RALYL: variants seen among roughly 807,000 people sequenced by gnomAD.
RALYL encodes the protein RNA-binding Raly-like protein.
In RALYL, 29 loss-of-function variants were observed where a neutral mutation model predicts 35.1. The ratio of observed to expected loss-of-function variants is 0.83; its 90% confidence interval spans 0.61 to 1.13. RALYL has a LOEUF of 1.13. Among genes scored for constraint, RALYL ranks in the 50% most tolerant of loss-of-function variants. RALYL has a pLI of 0.00. For synonymous variants in RALYL, 120 were observed against 127.6 expected, an observed-to-expected ratio of 0.94 and a Z score of 0.40; for missense variants, 359 against 360.4, an observed-to-expected ratio of 1.00 and a Z score of 0.03.
intron 1 of RALYL, among the ~76,000 whole-genome samples, chr8:84,332,822 GAA>G (rs1428309035): frequency 6.6e-6 from 1 of 152,064 alleles, no homozygotes; most frequent in Non-Finnish European, 1.5e-5. Context: ...TGGATTCAGA[GAA>G]AAAGAGCTGG....
chr8:84,863,454 A>G (rs1237420799), intron 6 of RALYL, among the ~76,000 whole-genome samples: 1 of 152,198 alleles, frequency 6.6e-6, no homozygotes, highest in Admixed American at 6.5e-5. Flanking sequence ...GGCAAGTTCC[A>G]ATGCAGCTTG....
intron 2 of RALYL, among the ~76,000 whole-genome samples, chr8:84,588,157 T>G (rs188181694): frequency 5.9e-5 from 9 of 152,160 alleles, no homozygotes; most frequent in East Asian, 3.9e-4. Context: ...AGGACCAGTA[T>G]GTGCATTTCA....
intron 2 of RALYL, among the ~76,000 whole-genome samples, chr8:84,640,048 A>G (rs1199168146): frequency 6.6e-6 from 1 of 151,998 alleles, no homozygotes; most frequent in East Asian, 1.9e-4. Context: ...TATAGCTTTG[A>G]TAAGCCCCAG....
intron 5 of RALYL, among the ~76,000 whole-genome samples, chr8:84,850,647 A>C (rs1281075692): frequency 6.6e-6 from 1 of 152,228 alleles, no homozygotes; most frequent in East Asian, 1.9e-4. Context: ...TAAAACAATA[A>C]AATATTAAGA....
intron 2 of RALYL, among the ~76,000 whole-genome samples, chr8:84,703,055 A>G (rs1048040194): frequency 2.6e-5 from 4 of 151,858 alleles, no homozygotes; most frequent in Non-Finnish European, 5.9e-5. Context: ...TTATGTCTAT[A>G]TTTTTTCTTC....
At chr8:84,528,390 G>A (rs1588003005) in intron 1 of RALYL, among the ~76,000 whole-genome samples, 1 of 151,980 alleles carries the variant, frequency 6.6e-6, no homozygotes, top group Non-Finnish European at 1.5e-5. Context: ...AATTTTCAAG[G>A]CCTTAAGAAT....
intron 1 of RALYL, among the ~76,000 whole-genome samples, chr8:84,453,194 G>T (rs2049712200): frequency 6.6e-6 from 1 of 151,754 alleles, no homozygotes; most frequent in Admixed American, 6.6e-5. Context: ...TTAAACAAAT[G>T]CATATATATA....
chr8:84,369,545 A>T (rs1855248200), intron 1 of RALYL, among the ~76,000 whole-genome samples: 1 of 151,998 alleles, frequency 6.6e-6, no homozygotes, highest in African/African-American at 2.4e-5. Flanking sequence ...AAAGAGCTTC[A>T]GGGGGGTAGG....
At chr8:84,682,217 T>C (rs1290958594) in intron 2 of RALYL, among the ~76,000 whole-genome samples, 3 of 152,224 alleles carry the variant, frequency 2.0e-5, no homozygotes, top group African/African-American at 4.8e-5. Flanking sequence ...ATAAGCTTTT[T>C]GATGTGCTGC....
chr8:84,760,419 T>C (rs1205455695), intron 2 of RALYL, among the ~76,000 whole-genome samples: 2 of 152,052 alleles, frequency 1.3e-5, no homozygotes, highest in South Asian at 2.1e-4. Context: ...AGCAGAGATA[T>C]AAGTATCACA....
At chr8:84,190,851 T>C (rs1353402232) in intron 1 of RALYL, among the ~76,000 whole-genome samples, 1 of 149,872 alleles carries the variant, frequency 6.7e-6, no homozygotes, top group Non-Finnish European at 1.5e-5. Flanking sequence ...CCTGCACAGG[T>C]AGAAATTTGG....
intron 2 of RALYL, among the ~76,000 whole-genome samples, chr8:84,539,859 T>C (rs1430607617): frequency 3.8e-5 from 3 of 79,718 alleles, no homozygotes; most frequent in Non-Finnish European, 2.6e-5. Context: ...TATATGTATA[T>C]ATATATATAT....
chr8:84,357,210 C>G (rs1033459418), intron 1 of RALYL, among the ~76,000 whole-genome samples: 2 of 151,954 alleles, frequency 1.3e-5, no homozygotes, highest in African/African-American at 4.8e-5. Flanking sequence ...TAACAAATGC[C>G]AGTAATATCC....
intron 6 of RALYL, chr8:84,864,700 G>A: frequency 1.9e-6 from 1 of 537,802 alleles, no homozygotes; most frequent in South Asian, 1.8e-5. Context: ...TAGGCTATAG[G>A]TGCAACCCCA....
At chr8:84,450,550 C>G (rs1047859638) in intron 1 of RALYL, among the ~76,000 whole-genome samples, 4 of 151,776 alleles carry the variant, frequency 2.6e-5, no homozygotes, top group African/African-American at 9.7e-5. Flanking sequence ...GGCTGCGGCA[C>G]AAACTAGTAT....
chr8:84,464,416 T>A (rs2133466043), intron 1 of RALYL, among the ~76,000 whole-genome samples: 1 of 151,390 alleles, frequency 6.6e-6, no homozygotes, highest in South Asian at 2.1e-4. Context: ...CTTGCGATAG[T>A]TTACTGAGAA....
intron 2 of RALYL, among the ~76,000 whole-genome samples, chr8:84,727,529 A>T (rs187923048): frequency 1.3e-3 from 193 of 152,052 alleles, no homozygotes; most frequent in African/African-American, 4.4e-3. Context: ...TGTGCAGGTT[A>T]GTTACATATG....
chr8:84,551,713 G>A (rs1047182382), intron 2 of RALYL, among the ~76,000 whole-genome samples: 1 of 152,100 alleles, frequency 6.6e-6, no homozygotes, highest in Non-Finnish European at 1.5e-5. Flanking sequence ...AAGATAGTGG[G>A]AATACACTGG....
chr8:84,654,516 A>C (rs929861444), intron 2 of RALYL, among the ~76,000 whole-genome samples: 3 of 151,668 alleles, frequency 2.0e-5, no homozygotes, highest in African/African-American at 7.3e-5. Flanking sequence ...TGTGTTACCA[A>C]ATACTAGCTC....
Sources: gnomAD v4.1 joint callset for allele counts (sites outside exome capture counted in the v4.1 genomes callset) on GRCh38, gnomAD v4.1.1 for gene constraint, MANE v1.5 for transcripts, NCBI Gene and HGNC (gene_info 2026-07-23, HGNC 2026-07-21) for gene names.